Variants in PDE10A observed in about 807,000 individuals in gnomAD.
PDE10A encodes the protein cAMP and cAMP-inhibited cGMP 3',5'-cyclic phosphodiesterase 10A.
In PDE10A, 39 loss-of-function variants were observed where a neutral mutation model predicts 97.7. The ratio of observed to expected loss-of-function variants is 0.40; its 90% CI spans 0.31 to 0.52. The LOEUF (loss-of-function observed/expected upper bound fraction) is 0.52. Ranked by LOEUF, PDE10A falls within the 20% of genes least tolerant of loss-of-function variation. PDE10A has a pLI of 0.56. For synonymous variants in PDE10A, 371 were observed against 376.8 expected, an observed-to-expected ratio of 0.98 and a Z score of 0.18; for missense variants, 731 against 1,047.8, an observed-to-expected ratio of 0.70 and a Z score of 4.17.
At chr6:165,821,576 G>A (rs768203713) in intron 1 of PDE10A, among the ~76,000 whole-genome samples, 3 of 151,950 alleles carry the variant, frequency 2.0e-5, no homozygotes, top group African/African-American at 4.8e-5. Flanking sequence ...GTGCAGTGGC[G>A]TGCGTGATCT....
At position 165,388,202 on chromosome 6, in the gene PDE10A, A is replaced by C. The variant is rs1173550198; in HGVS notation, c.2610+96T>G. The C allele has an allele frequency of 4.7e-6, 5 of 1,069,556 alleles. No homozygotes were observed. The East Asian group carries it at 1.2e-4, about 26-fold the overall frequency. The allele number at this position is 1,069,556 out of a possible 1,614,324, so 66.3% of individuals were successfully genotyped here. On this transcript the variant is annotated intron_variant, in intron 17 of 21. Coordinates refer to ENST00000539869, the MANE Select transcript of PDE10A (RefSeq NM_001385079.1). This position sits in a 1 kb window ranked among gnomAD's most constrained non-coding sequence, Gnocchi z 4.0. ...CAATAAAAAGTAGCTGTTGCTTTTA[A>C]GGAAGCCATAATGATCTTCCTTTTC...
intron 1 of PDE10A, among the ~76,000 whole-genome samples, chr6:165,980,841 G>A (rs1375357329): frequency 1.3e-5 from 2 of 152,158 alleles, no homozygotes; most frequent in African/African-American, 4.8e-5. Context: ...ATTCATCAAG[G>A]AAGGAAAGGG....
intron 1 of PDE10A, among the ~76,000 whole-genome samples, chr6:165,672,144 A>G (rs1294813987): frequency 1.3e-5 from 2 of 152,244 alleles, no homozygotes. Context: ...GACAGTAAAG[A>G]TTTCCACAGT....
chr6:165,835,479 G>A (rs1218053884), intron 1 of PDE10A, among the ~76,000 whole-genome samples: 1 of 152,212 alleles, frequency 6.6e-6, no homozygotes, highest in Non-Finnish European at 1.5e-5. Context: ...CACTGCCCAC[G>A]CCTCCTGTGC....
At chr6:165,580,923 C>T (rs191871345) in intron 1 of PDE10A, among the ~76,000 whole-genome samples, 39 of 151,546 alleles carry the variant, frequency 2.6e-4, no homozygotes, top group African/African-American at 8.9e-4. Context: ...GGTAAGTCTC[C>T]AACCCAATGA....
At chr6:165,910,675 T>C (rs1782429860) in intron 1 of PDE10A, 1 of 151,966 alleles carries the variant, frequency 6.6e-6, no homozygotes, top group South Asian at 2.1e-4. Context: ...CAATATACTA[T>C]AAAATCCTAT....
At chr6:165,394,269 C>T (rs1009436776) in intron 15 of PDE10A, among the ~76,000 whole-genome samples, 1 of 152,068 alleles carries the variant, frequency 6.6e-6, no homozygotes, top group Non-Finnish European at 1.5e-5. Flanking sequence ...TCCCTGTGTC[C>T]ATATGTTCTC....
chr6:165,923,341 G>C (rs1782812001), intron 1 of PDE10A, among the ~76,000 whole-genome samples: 1 of 152,202 alleles, frequency 6.6e-6, no homozygotes, highest in African/African-American at 2.4e-5. Context: ...ATGTCTACTA[G>C]AAAAAGAACA....
intron 1 of PDE10A, among the ~76,000 whole-genome samples, chr6:165,645,465 G>T (rs1465018887): frequency 6.6e-6 from 1 of 152,128 alleles, no homozygotes; most frequent in Non-Finnish European, 1.5e-5. Flanking sequence ...GAGAACCAGT[G>T]GAATCAGAAG....
At chr6:165,955,720 C>A (rs1451745269) in intron 1 of PDE10A, among the ~76,000 whole-genome samples, 1 of 152,140 alleles carries the variant, frequency 6.6e-6, no homozygotes. Context: ...AACAACTATG[C>A]AAGACCAGAG....
At chr6:165,951,163 C>T (rs182784073) in intron 1 of PDE10A, among the ~76,000 whole-genome samples, 3 of 152,234 alleles carry the variant, frequency 2.0e-5, no homozygotes, top group East Asian at 1.9e-4. Flanking sequence ...AAACTACCTC[C>T]GAACTGATAC....
chr6:165,947,905 C>T (rs1783825671), intron 1 of PDE10A, among the ~76,000 whole-genome samples: 3 of 152,052 alleles, frequency 2.0e-5, no homozygotes, highest in Non-Finnish European at 2.9e-5. Context: ...GAAAGGGCAG[C>T]GTTAGGTAAT....
chr6:165,573,941 G>A (rs1418368217), intron 1 of PDE10A, among the ~76,000 whole-genome samples: 1 of 152,218 alleles, frequency 6.6e-6, no homozygotes. Flanking sequence ...TGCACCATGT[G>A]CTTCTTATCT....
At chr6:165,398,403 C>T (rs1786348345) in intron 13 of PDE10A, among the ~76,000 whole-genome samples, 1 of 151,170 alleles carries the variant, frequency 6.6e-6, no homozygotes, top group Non-Finnish European at 1.5e-5. Context: ...ATCATTTGAA[C>T]CAGGGAGGCA....
intron 1 of PDE10A, among the ~76,000 whole-genome samples, chr6:165,984,218 T>C (rs1785111484): frequency 6.6e-6 from 1 of 152,244 alleles, no homozygotes; most frequent in Non-Finnish European, 1.5e-5. Context: ...CTGAGTACTA[T>C]GGATATAGGT....
chr6:165,891,219 G>A (rs759988922), intron 1 of PDE10A, among the ~76,000 whole-genome samples: 1 of 152,314 alleles, frequency 6.6e-6, no homozygotes, highest in East Asian at 1.9e-4. Context: ...AATTCTACAT[G>A]TAAATGATAT....
At chr6:165,882,366 T>C (rs1172237357) in intron 1 of PDE10A, among the ~76,000 whole-genome samples, 1 of 152,248 alleles carries the variant, frequency 6.6e-6, no homozygotes, top group African/African-American at 2.4e-5. Context: ...ATATTGGTGT[T>C]GTATGAATGA....
In PDE10A at chr6:165,333,199, A is replaced by G. The variant is rs935558169; in HGVS notation, c.3066-72T>C. ...CTGGACTTTGTCTTGAAAACTAACC[A>G]AACAGTCCTGTGGCACAGCTCTGCA... On this transcript the variant is annotated intron_variant, in intron 21 of 21. Coordinates refer to ENST00000539869, the MANE Select transcript of PDE10A (RefSeq NM_001385079.1). The G allele has an allele frequency of 1.8e-5, 17 of 936,112 alleles. No homozygotes were observed. In the African/African-American group the frequency reaches 2.3e-4, roughly 12 times the overall value. The allele number at this position is 936,112 out of a possible 1,614,324, so 58.0% of individuals were successfully genotyped here.
At chr6:165,720,349 C>T (rs1319038748) in intron 1 of PDE10A, among the ~76,000 whole-genome samples, 1 of 152,042 alleles carries the variant, frequency 6.6e-6, no homozygotes, top group Non-Finnish European at 1.5e-5. Flanking sequence ...TTTATAAAAG[C>T]CCCGATGTAC....
Sources: allele counts gnomAD v4.1 joint callset (sites outside exome capture counted in the v4.1 genomes callset), GRCh38; gene constraint gnomAD v4.1.1; non-coding constraint Gnocchi (gnomAD v3.1); transcripts MANE v1.5; gene names NCBI Gene and HGNC (gene_info 2026-07-23, HGNC 2026-07-21).